LRP5: variants seen among roughly 807,000 people sequenced by gnomAD.
The protein encoded by LRP5 is low-density lipoprotein receptor-related protein 5.
Under a neutral mutation model 154.1 loss-of-function variants are expected in LRP5, and 62 were observed. That is an observed-to-expected ratio of 0.40 (90% CI 0.33 to 0.50). The LOEUF (loss-of-function observed/expected upper bound fraction) is 0.50. Ranked by LOEUF, LRP5 falls within the 20% of genes least tolerant of loss-of-function variation. The probability of loss-of-function intolerance (pLI) is 0.55; values close to 1 mark genes in which losing one functional copy is unlikely to be tolerated. For synonymous variants in LRP5, 966 were observed against 1,011.5 expected (o/e 0.96, Z 0.85); for missense variants, 1,915 against 2,336.7 (o/e 0.82, Z 3.72).
intron 21 of LRP5, among the ~76,000 whole-genome samples, chr11:68,445,030 C>T (rs1319681811): frequency 1.3e-5 from 2 of 152,178 alleles, no homozygotes; most frequent in Non-Finnish European, 2.9e-5. Context: ...TACTCACCAG[C>T]CATCAGGATA....
At chr11:68,408,143 T>G (rs1481456917) in intron 9 of LRP5, among the ~76,000 whole-genome samples, 4 of 151,688 alleles carry the variant, frequency 2.6e-5, no homozygotes, top group Non-Finnish European at 1.5e-5. Context: ...TGGTGTAATC[T>G]CAGCTCACTG....
chr11:68,341,248 C>T (rs940185763), intron 1 of LRP5, among the ~76,000 whole-genome samples: 3 of 151,950 alleles, frequency 2.0e-5, no homozygotes, highest in Admixed American at 6.6e-5. Flanking sequence ...GTTCTGCACT[C>T]TGGGCTGCCA....
chr11:68,325,137 G>A (rs1409133007), intron 1 of LRP5, among the ~76,000 whole-genome samples: 1 of 152,168 alleles, frequency 6.6e-6, no homozygotes, highest in Non-Finnish European at 1.5e-5. Context: ...GGCCCTTCTG[G>A]GTACTTAACC....
chr11:68,352,438 G>T (rs559687748), intron 2 of LRP5, among the ~76,000 whole-genome samples: 1 of 152,136 alleles, frequency 6.6e-6, no homozygotes, highest in Non-Finnish European at 1.5e-5. Context: ...CCCTTTCCTC[G>T]CCACCAGAAG....
chr11:68,382,915 A>C (rs948968053), intron 5 of LRP5, among the ~76,000 whole-genome samples: 1 of 151,312 alleles, frequency 6.6e-6, no homozygotes, highest in Admixed American at 6.6e-5. Flanking sequence ...TCTCACCCCA[A>C]CGCGCAGGCT....
At chr11:68,375,455 G>A (rs1190894291) in intron 5 of LRP5, among the ~76,000 whole-genome samples, 2 of 152,086 alleles carry the variant, frequency 1.3e-5, no homozygotes, top group African/African-American at 2.4e-5. Flanking sequence ...GCCCCTGCTC[G>A]TGCTGTGCCC....
chr11:68,398,993 AG>A (rs1206595253), intron 7 of LRP5, among the ~76,000 whole-genome samples: 1 of 152,164 alleles, frequency 6.6e-6, no homozygotes. Flanking sequence ...CTGGGATTAC[AG>A]GCTCGAGCCA....
At chr11:68,349,139 T>C (rs966120766) in intron 2 of LRP5, among the ~76,000 whole-genome samples, 31 of 151,160 alleles carry the variant, frequency 2.1e-4, no homozygotes, top group African/African-American at 7.3e-4. Context: ...TTCAAGTGAT[T>C]CTCCTGCCTC....
intron 20 of LRP5, among the ~76,000 whole-genome samples, chr11:68,438,980 A>G (rs920383537): frequency 7.9e-5 from 12 of 152,140 alleles, no homozygotes; most frequent in African/African-American, 1.2e-4. Context: ...ACAAATCCTC[A>G]TGTACCCTAG....
intron 1 of LRP5, among the ~76,000 whole-genome samples, chr11:68,329,753 C>T (rs1410934977): frequency 2.0e-5 from 3 of 152,182 alleles, no homozygotes; most frequent in Non-Finnish European, 4.4e-5. Context: ...GGCCTCCCAC[C>T]GGCCATCAGC....
the LRP5 span, among the ~76,000 whole-genome samples, chr11:68,304,824 T>C: frequency 6.6e-6 from 1 of 152,224 alleles, no homozygotes; most frequent in South Asian, 2.1e-4. Flanking sequence ...TTTTGACAGA[T>C]TTCTCCCTTT....
At chr11:68,318,833 A>G (rs2098595033) in intron 1 of LRP5, among the ~76,000 whole-genome samples, 1 of 152,206 alleles carries the variant, frequency 6.6e-6, no homozygotes, top group Non-Finnish European at 1.5e-5. Flanking sequence ...CAGGGCTCAG[A>G]GCCCTCTCCC....
At chr11:68,390,291 A>G (rs1328310840) in intron 7 of LRP5, among the ~76,000 whole-genome samples, 2 of 152,228 alleles carry the variant, frequency 1.3e-5, no homozygotes, top group African/African-American at 4.8e-5. Context: ...AGACACAGCT[A>G]CTTGGAGACT....
At position 68,436,608 on chromosome 11, in the gene LRP5, G is replaced by A. The variant is rs141750566; in HGVS notation, c.4001-281G>A. ...CGGGGTCTGTTACTCCTTGCATGGC[G>A]TAGACCTCCCCACAGTAGGCACCTG... is the stretch of plus-strand genomic sequence containing the variant. On this transcript the variant is annotated intron_variant, in intron 18 of 22. Coordinates refer to ENST00000294304, the MANE Select transcript of LRP5 (RefSeq NM_002335.4). Among the ~76,000 whole-genome samples, 152 of 152,212 alleles carry A rather than the reference G, an allele frequency of 1.0e-3. 1 individual carries two copies. The highest frequency in any genetic ancestry group is 3.4e-3 in the African/African-American group (141 of 41,514).
At chr11:68,444,789 G>A (rs1240799326) in intron 21 of LRP5, among the ~76,000 whole-genome samples, 1 of 152,134 alleles carries the variant, frequency 6.6e-6, no homozygotes, top group African/African-American at 2.4e-5. Context: ...AGACCCCATA[G>A]GCTGGGGCTT....
intron 16 of LRP5, among the ~76,000 whole-genome samples, chr11:68,427,593 T>C (rs1287259569): frequency 3.3e-5 from 5 of 151,942 alleles, no homozygotes; most frequent in Non-Finnish European, 7.4e-5. Context: ...GGTGGGAGAA[T>C]TACTTGAACC....
chr11:68,317,163 C>G (rs879832532), intron 1 of LRP5, among the ~76,000 whole-genome samples: 3 of 152,220 alleles, frequency 2.0e-5, no homozygotes, highest in Non-Finnish European at 4.4e-5. Context: ...GACCCACCGG[C>G]TGGCTCCGGC....
chr11:68,365,764 G>A (rs1033200023), intron 5 of LRP5, 62 bp downstream of exon 5: 54 of 1,440,336 alleles, frequency 3.7e-5, no homozygotes, highest in African/African-American at 8.5e-5. Context: ...AATGGGTTGC[G>A]GCCGCCGGGG....
At chr11:68,379,382 TGC>T (rs1174499289) in intron 5 of LRP5, among the ~76,000 whole-genome samples, 1 of 152,218 alleles carries the variant, frequency 6.6e-6, no homozygotes, top group Non-Finnish European at 1.5e-5. Flanking sequence ...CTGCTGCTTC[TGC>T]CTGTGTTCTT....
Sources: allele counts gnomAD v4.1 joint callset (sites outside exome capture counted in the v4.1 genomes callset), GRCh38; gene constraint gnomAD v4.1.1; transcripts MANE v1.5; gene names NCBI Gene and HGNC (gene_info 2026-07-23, HGNC 2026-07-21).